FOXN2: variants seen among roughly 807,000 people sequenced by gnomAD.
The protein encoded by FOXN2 is forkhead box N2.
Under a neutral mutation model 41.2 loss-of-function variants are expected in FOXN2, and 19 were observed. The ratio of observed to expected loss-of-function variants is 0.46; its 90% CI spans 0.32 to 0.68. FOXN2 has a LOEUF of 0.68. Ranked by LOEUF, FOXN2 falls within the 30% of genes least tolerant of loss-of-function variation. FOXN2 has a pLI of 0.03. For missense variants in FOXN2, 587 were observed against 509.4 expected (o/e 1.15, Z -1.47); for synonymous variants, 195 against 176.8 (o/e 1.10, Z -0.82).
intron 3 of FOXN2, among the ~76,000 whole-genome samples, chr2:48,353,219 T>C (rs1671564777): frequency 6.6e-6 from 1 of 152,178 alleles, no homozygotes; most frequent in Non-Finnish European, 1.5e-5. Flanking sequence ...TGCCTGTCTT[T>C]GCAGTTTTTT....
At chr2:48,335,575 A>T (rs530105177) in intron 2 of FOXN2, among the ~76,000 whole-genome samples, 41 of 68,320 alleles carry the variant, frequency 6.0e-4, no homozygotes, top group African/African-American at 1.8e-3. Context: ...CATACAAATA[A>T]AATGTGAAAG....
intron 3 of FOXN2, among the ~76,000 whole-genome samples, chr2:48,347,636 A>G (rs1279627878): frequency 6.6e-6 from 1 of 152,082 alleles, no homozygotes; most frequent in East Asian, 1.9e-4. Context: ...TTTTCAGTAT[A>G]CATCTTTAAT....
chr2:48,341,174 C>T (rs889034598), intron 2 of FOXN2, among the ~76,000 whole-genome samples: 18 of 151,802 alleles, frequency 1.2e-4, no homozygotes, highest in Admixed American at 9.2e-4. Flanking sequence ...CATCATAGGC[C>T]CAGGTTTCCT....
At chr2:48,369,393 C>T (rs1436095703) in intron 5 of FOXN2, among the ~76,000 whole-genome samples, 2 of 152,050 alleles carry the variant, frequency 1.3e-5, no homozygotes, top group Non-Finnish European at 2.9e-5. Context: ...CAAAAATTAG[C>T]TGACTGTGGT....
At chr2:48,323,500 A>AT (rs905845937) in intron 1 of FOXN2, among the ~76,000 whole-genome samples, 17 of 151,530 alleles carry the variant, frequency 1.1e-4, no homozygotes, top group Non-Finnish European at 2.1e-4. Flanking sequence ...GATGTTGAGC[A>AT]TTTTTTTCAT....
rs750063301 is a variant in FOXN2, at chr2:48,359,103, C to G, written c.594C>G (p.Ile198Met). Residue 198 changes from isoleucine (I) to methionine (M), a missense_variant, in exon 4 of 7, where the codon ATC (isoleucine) becomes ATG (methionine). Coordinates refer to ENST00000340553, the MANE Select transcript of FOXN2 (RefSeq NM_002158.4). ...CVDPEYKPNL[I>M]QALKKQPFSS... ...ATCCGGAATATAAACCCAATCTTAT[C>G]CAGGCACTGAAGAAGCAACCTTTTT... is the stretch of plus-strand genomic sequence containing the variant. The G allele has an allele frequency of 6.2e-7, 1 of 1,613,490 alleles. No individual in the cohort carries two copies. Among genetic ancestry groups the G allele is most frequent in the South Asian group, 1.1e-5 (1 of 91,054 alleles).
intron 6 of FOXN2, among the ~76,000 whole-genome samples, chr2:48,373,653 ATAAG>A (rs1334534277): frequency 6.6e-6 from 1 of 152,186 alleles, no homozygotes; most frequent in Non-Finnish European, 1.5e-5. Flanking sequence ...AGAAAATATA[ATAAG>A]TAAAGTATAT....
chr2:48,338,488 G>A (rs898420205), intron 2 of FOXN2, among the ~76,000 whole-genome samples: 18 of 151,654 alleles, frequency 1.2e-4, no homozygotes, highest in African/African-American at 2.9e-4. Flanking sequence ...TACAAGCTCC[G>A]CCTCCTGGGT....
In FOXN2 at chr2:48,375,425, A is replaced by G. The variant is rs1673191131; in HGVS notation, c.1278A>G (p.Gln426=). 1.2e-6 allele frequency: 2 copies of G among 1,605,306 alleles called. No individual in the cohort carries two copies. Among genetic ancestry groups the G allele is most frequent in the East Asian group, 4.5e-5 (2 of 44,672 alleles). The change falls in exon 7 of 7, where the codon CAA becomes CAG. Residue 426 remains glutamine (Q), a synonymous_variant. Coordinates refer to ENST00000340553, the MANE Select transcript of FOXN2 (RefSeq NM_002158.4). ...SLISTAKTQN[Q]KQRKK is the part of the protein sequence containing the mutation. Reference sequence around the variant, plus strand: ...TAAGTACTGCAAAGACACAAAATCAAAAGCAACGGAAAAAATAGAAATACT... The same window carrying G: ...TAAGTACTGCAAAGACACAAAATCAGAAGCAACGGAAAAAATAGAAATACT...
chr2:48,315,200 G>A (rs1438266410), intron 1 of FOXN2, among the ~76,000 whole-genome samples: 2 of 152,140 alleles, frequency 1.3e-5, no homozygotes, highest in Non-Finnish European at 2.9e-5. Context: ...TCGGCTCGGG[G>A]CTGGAATCTG....
At chr2:48,349,488 A>T (rs1435772465) in intron 3 of FOXN2, among the ~76,000 whole-genome samples, 2 of 151,968 alleles carry the variant, frequency 1.3e-5, no homozygotes, top group Non-Finnish European at 2.9e-5. Context: ...AAAATAAAAA[A>T]ATAAGCTGGA....
chr2:48,325,293 G>T (rs1271386953), intron 1 of FOXN2, among the ~76,000 whole-genome samples: 1 of 152,130 alleles, frequency 6.6e-6, no homozygotes, highest in Non-Finnish European at 1.5e-5. Flanking sequence ...TGATAGGGTT[G>T]TTATGAATAA....
At chr2:48,367,097 T>C (rs1017166836) in intron 5 of FOXN2, among the ~76,000 whole-genome samples, 1 of 152,184 alleles carries the variant, frequency 6.6e-6, no homozygotes, top group African/African-American at 2.4e-5. Flanking sequence ...GTTTGTTGTC[T>C]CTTGATCAAC....
intron 2 of FOXN2, among the ~76,000 whole-genome samples, chr2:48,341,914 A>T (rs1233059342): frequency 6.6e-6 from 1 of 152,256 alleles, no homozygotes; most frequent in Non-Finnish European, 1.5e-5. Context: ...GGTTTGTAAC[A>T]GAACAAGCTG....
chr2:48,346,697 A>G lies in FOXN2; in HGVS notation c.483A>G (p.Arg161=). The G allele has an allele frequency of 6.2e-7, 1 of 1,610,874 alleles. No individual in the cohort carries two copies. Among genetic ancestry groups the G allele is most frequent in the Non-Finnish European group, 8.5e-7 (1 of 1,179,030 alleles). ...CAACAGGCTGGAAGAATTCTGTTCGACATAATCTGTCCCTGAATAAATGTT... is the reference window on the plus strand; with the variant it reads ...CAACAGGCTGGAAGAATTCTGTTCGGCATAATCTGTCCCTGAATAAATGTT... ...TAPTGWKNSV[R]HNLSLNKCFQ... is the part of the protein sequence containing the mutation. The change falls in exon 3 of 7, where the codon CGA becomes CGG. Residue 161 remains arginine, a synonymous_variant. Coordinates refer to ENST00000340553, the MANE Select transcript of FOXN2 (RefSeq NM_002158.4).
intron 4 of FOXN2, among the ~76,000 whole-genome samples, chr2:48,362,168 C>T (rs1423347664): frequency 6.6e-6 from 1 of 152,186 alleles, no homozygotes; most frequent in Admixed American, 6.5e-5. Flanking sequence ...GCTCTTTCTG[C>T]TTTGGCAGAC....
chr2:48,343,088 T>C (rs1670877936), intron 2 of FOXN2, among the ~76,000 whole-genome samples: 1 of 152,206 alleles, frequency 6.6e-6, no homozygotes, highest in African/African-American at 2.4e-5. Context: ...TTAAGTAGTA[T>C]TGATAAAAAT....
At chr2:48,351,203 C>G (rs1671425460) in intron 3 of FOXN2, among the ~76,000 whole-genome samples, 1 of 152,092 alleles carries the variant, frequency 6.6e-6, no homozygotes. Flanking sequence ...CTCAAGCGAT[C>G]CACCTGTCTC....
chr2:48,367,810 C>G (rs1372928235), intron 5 of FOXN2, among the ~76,000 whole-genome samples: 1 of 152,074 alleles, frequency 6.6e-6, no homozygotes, highest in African/African-American at 2.4e-5. Context: ...TAAAAACCAA[C>G]AGGCACAAAT....
Sources: gnomAD v4.1 joint callset for allele counts (sites outside exome capture counted in the v4.1 genomes callset) on GRCh38, gnomAD v4.1.1 for gene constraint, MANE v1.5 for transcripts, NCBI Gene and HGNC (gene_info 2026-07-23, HGNC 2026-07-21) for gene names.